The following OR6K3 variants were observed in gnomAD, a reference collection of about 807,000 sequenced individuals.
The protein encoded by OR6K3 is olfactory receptor family 6 subfamily K member 3.
For synonymous variants in OR6K3, 169 were observed against 137.7 expected (o/e 1.23, Z -1.59); for missense variants, 396 against 382.5 (o/e 1.04, Z -0.29).
At chr1:158,724,204 G>A (rs1656339380), upstream of OR6K3, 1 of 154,668 alleles carries the variant, frequency 6.5e-6, no homozygotes, top group African/African-American at 2.4e-5. Flanking sequence ...ATAGATGATA[G>A]GGTTGAAAAA....
rs750090582 is a variant in OR6K3 at position 158,717,506 on chromosome 1, C to G, written c.610G>C (p.Val204Leu). Residue 204 changes from valine (V) to leucine (L), a missense_variant, in exon 2 of 2, where the codon GTG (valine) becomes CTG (leucine). Val to Leu is a conservative substitution (Grantham distance 32). Transcript: ENST00000368145. ...ATTAGGAAGGTAATGATGATGGTCA[C>G]AGCATGAATCACATCCTCAATCAGA... ...MILIEDVIHA[V>L]TIIITFLIIA... The G allele has an allele frequency of 6.2e-7, 1 of 1,613,666 alleles. No individual in the cohort carries two copies. Among genetic ancestry groups the G allele is most frequent in the Non-Finnish European group, 8.5e-7 (1 of 1,179,742 alleles).
upstream of OR6K3, among the ~76,000 whole-genome samples, chr1:158,723,220 C>CCTATCTATCTAT (rs1553243378): frequency 1.1e-5 from 1 of 88,702 alleles, no homozygotes; most frequent in East Asian, 4.4e-4. Context: ...ATTTCTATTA[C>CCTATCTATCTAT]CTATCTGTCT....
In OR6K3 at chr1:158,717,980, A is replaced by C. The variant is rs1282739665; in HGVS notation, c.136T>G (p.Phe46Val). Reference protein sequence around the residue: ...TFIIIDNLLIFSAVRLDTHLH... With the variant: ...TFIIIDNLLIVSAVRLDTHLH... ...TGGGTGTCCAGCCTTACAGCAGAGA[A>C]GATTAATAAGTTATCAATGATAATA... is the stretch of plus-strand genomic sequence containing the variant. Residue 46 changes from phenylalanine (F) to valine (V), a missense_variant, in exon 2 of 2, where the codon TTC (phenylalanine) becomes GTC (valine). Phe to Val is a conservative substitution (Grantham distance 50). Coordinates refer to ENST00000368145, the MANE Select transcript of OR6K3 (RefSeq NM_001005327.3). 1 of 1,612,896 alleles carries C rather than the reference A, an allele frequency of 6.2e-7. No individual in the cohort carries two copies. Among genetic ancestry groups the C allele is most frequent in the Admixed American group, 1.7e-5 (1 of 59,962 alleles).
upstream of OR6K3, chr1:158,724,925 A>T (rs1372734298): frequency 5.1e-6 from 1 of 195,590 alleles, no homozygotes; most frequent in Non-Finnish European, 1.1e-5. Context: ...ACTGCAAAAA[A>T]TACAATAAGA....
Position 158,717,504 on chromosome 1 carries a change from C to T in OR6K3, c.612G>A (p.Val204=). 6.2e-7 allele frequency: 1 copy of T among 1,613,606 alleles called. No homozygotes were observed. The highest frequency in any genetic ancestry group is 8.5e-7 in the Non-Finnish European group (1 of 1,179,738). ...TGATTAGGAAGGTAATGATGATGGT[C>T]ACAGCATGAATCACATCCTCAATCA... ...MILIEDVIHA[V]TIIITFLIIA... is the part of the protein sequence containing the mutation. The change falls in exon 2 of 2, where the codon GTG becomes GTA. Residue 204 remains valine, a synonymous_variant. Coordinates refer to ENST00000368145, the MANE Select transcript of OR6K3 (RefSeq NM_001005327.3).
chr1:158,719,114 C>T (rs1656236480), intron 1 of OR6K3, among the ~76,000 whole-genome samples: 1 of 151,978 alleles, frequency 6.6e-6, no homozygotes, highest in Non-Finnish European at 1.5e-5. Context: ...TCCTCTGTTT[C>T]CACGATTCCA....
chr1:158,722,025 A>G (rs1288651635), upstream of OR6K3, among the ~76,000 whole-genome samples: 1 of 151,950 alleles, frequency 6.6e-6, no homozygotes, highest in Non-Finnish European at 1.5e-5. Context: ...GTAATGAAAG[A>G]GCATTTACTT....
Position 158,717,923 on chromosome 1 carries a change from T to A in OR6K3, c.193A>T (p.Ile65Leu). The A allele has an allele frequency of 1.9e-6, 3 of 1,613,754 alleles. No individual in the cohort carries two copies. The highest frequency in any genetic ancestry group is 1.7e-6 in the Non-Finnish European group (2 of 1,179,790). ...TACCAGATCTCCAGAAAGGAAAATA[T>A]ACTGATAAAATTATACATGGGGTTG... ...LHNPMYNFIS[I>L]FSFLEIWYTT... Residue 65 changes from isoleucine (I) to leucine (L), a missense_variant, in exon 2 of 2, where the codon ATA becomes TTA. Ile to Leu is a conservative substitution (Grantham distance 5). Coordinates refer to ENST00000368145, the MANE Select transcript of OR6K3 (RefSeq NM_001005327.3).
chr1:158,724,974 A>G (rs981714915), upstream of OR6K3: 1 of 157,180 alleles, frequency 6.4e-6, no homozygotes, highest in South Asian at 1.9e-4. Flanking sequence ...CAAACAATGG[A>G]ATGAAGAAGA....
upstream of OR6K3, chr1:158,724,663 G>T (rs1433392563): frequency 8.8e-6 from 2 of 226,982 alleles, no homozygotes; most frequent in Admixed American, 8.3e-5. Context: ...CATGATGGTT[G>T]GGTAGCGGAG....
upstream of OR6K3, chr1:158,724,402 A>G (rs1262254577): frequency 4.5e-6 from 1 of 224,360 alleles, no homozygotes; most frequent in Admixed American, 4.3e-5. Context: ...TACAGTGATG[A>G]TTCTGATATA....
At position 158,718,150 on chromosome 1, in the gene OR6K3, A is replaced by G. The variant is rs1016946257; in HGVS notation, c.-17-18T>C. Reference sequence around the variant, plus strand: ...AGAGCTACCTGTAAATGGAGAGGGCATAGTCCAGCACATGAGAGGGTAGAG... The same window carrying G: ...AGAGCTACCTGTAAATGGAGAGGGCGTAGTCCAGCACATGAGAGGGTAGAG... On this transcript the variant is annotated intron_variant, in intron 1 of 1. Coordinates refer to ENST00000368145, the MANE Select transcript of OR6K3 (RefSeq NM_001005327.3). The G allele has an allele frequency of 3.0e-6, 4 of 1,321,472 alleles. No homozygotes were observed. Among genetic ancestry groups the G allele is most frequent in the South Asian group, 1.2e-5 (1 of 80,488 alleles). 81.9% of individuals were successfully genotyped at this position (1,321,472 alleles called of 1,614,324 possible).
In OR6K3 at chr1:158,716,353, A is replaced by G. The variant is rs1656143627; in HGVS notation, c.*815T>C. Reference sequence around the variant, plus strand: ...CAGTACTAATAATCTAATCTTACTAAACATGTAATTATTCTAATGAATAGG... The same window carrying G: ...CAGTACTAATAATCTAATCTTACTAGACATGTAATTATTCTAATGAATAGG... On this transcript the variant is annotated 3_prime_UTR_variant, in exon 2 of 2. Coordinates refer to ENST00000368145, the MANE Select transcript of OR6K3 (RefSeq NM_001005327.3). The G allele has an allele frequency of 6.6e-6, 1 of 152,146 alleles. No individual in the cohort carries two copies. Among genetic ancestry groups the G allele is most frequent in the Admixed American group, 6.6e-5 (1 of 15,260 alleles). 9.4% of individuals were successfully genotyped at this position (152,146 alleles called of 1,614,324 possible). A position where few individuals can be genotyped will look rare whatever the true frequency, so the allele number is the denominator to read the frequency against.
In OR6K3 at chr1:158,717,938, A is replaced by G; in HGVS notation, c.178T>C (p.Tyr60His). Residue 60 changes from tyrosine to histidine, a missense_variant, in exon 2 of 2, where the codon TAT becomes CAT. Tyr to His is a moderately conservative substitution (Grantham distance 83). Transcript: ENST00000368145. ...AAGGAAAATATACTGATAAAATTAT[A>G]CATGGGGTTGTGGAGATGGGTGTCC... ...RLDTHLHNPM[Y>H]NFISIFSFLE... The G allele has an allele frequency of 6.2e-7, 1 of 1,613,758 alleles. No homozygotes were observed. Among genetic ancestry groups the G allele is most frequent in the Non-Finnish European group, 8.5e-7 (1 of 1,179,788 alleles).
rs1656207234 is a variant in OR6K3, at chr1:158,718,004, T to G, written c.112A>C (p.Ile38Leu). 7 of 1,612,454 alleles carry G rather than the reference T, an allele frequency of 4.3e-6. No individual in the cohort carries two copies. Among genetic ancestry groups the G allele is most frequent in the Non-Finnish European group, 5.9e-6 (7 of 1,178,794 alleles). Residue 38 changes from isoleucine (I) to leucine (L), a missense_variant, in exon 2 of 2, where the codon ATT (isoleucine) becomes CTT (leucine). By Grantham distance (5) the Ile-to-Leu change is conservative. Transcript: ENST00000368145. ...FFPLLFIYTF[I>L]IIDNLLIFSA... is the part of the protein sequence containing the mutation. ...AAGATTAATAAGTTATCAATGATAA[T>G]AAAAGTATAGATGAAAAGTAAAGGA...
rs1656194369 is a variant in OR6K3 at position 158,717,776 on chromosome 1, A to G, written c.340T>C (p.Leu114=). 1.2e-6 allele frequency: 2 copies of G among 1,613,788 alleles called. No homozygotes were observed. Among genetic ancestry groups the G allele is most frequent in the South Asian group, 2.2e-5 (2 of 91,082 alleles). The part of the protein sequence containing the change: ...FHSLENSEGI[L]LTTMAIDRYV... ...CTGTCAATGGCCATGGTGGTCAGCA[A>G]GATCCCCTCTGAGTTTTCAAGTGAG... The change falls in exon 2 of 2, where the codon TTG becomes CTG. Residue 114 remains leucine, a synonymous_variant. Coordinates refer to ENST00000368145, the MANE Select transcript of OR6K3 (RefSeq NM_001005327.3).
upstream of OR6K3, among the ~76,000 whole-genome samples, chr1:158,723,020 C>T (rs988846194): frequency 3.3e-5 from 5 of 151,932 alleles, no homozygotes; most frequent in Admixed American, 2.6e-4. Flanking sequence ...TCTAACAGTT[C>T]ATCTAGTCCT....
In OR6K3 at chr1:158,717,878, T is replaced by C; in HGVS notation, c.238A>G (p.Lys80Glu). The C allele has an allele frequency of 6.2e-7, 1 of 1,613,670 alleles. No individual in the cohort carries two copies. Among genetic ancestry groups the C allele is most frequent in the South Asian group, 1.1e-5 (1 of 91,058 alleles). ...TCACTGATGAGGTTGGAGAGCATCT[T>C]GGGAATGGTGGCTGTGGTGTACCAG... ...EIWYTTATIP[K>E]MLSNLISEKK... The change falls in exon 2 of 2, where the codon AAG (lysine) becomes GAG (glutamate). Residue 80 changes from lysine (K) to glutamate (E), a missense_variant. Lys to Glu is a moderately conservative substitution (Grantham distance 56). Coordinates refer to ENST00000368145, the MANE Select transcript of OR6K3 (RefSeq NM_001005327.3).
chr1:158,717,606 C>A lies in OR6K3; in HGVS notation c.510G>T (p.Gly170=), dbSNP rs1558014587. 3 of 1,613,716 alleles carry A rather than the reference C, an allele frequency of 1.9e-6. No individual in the cohort carries two copies. Among genetic ancestry groups the A allele is most frequent in the Non-Finnish European group, 2.5e-6 (3 of 1,179,812 alleles). Residue 170 remains glycine (G), a synonymous_variant, in exon 2 of 2, where the codon GGG becomes GGT. Transcript: ENST00000368145. The part of the protein sequence containing the change: ...IVMISTLPFC[G]PNQIHQIFCD... Reference sequence around the variant, plus strand: ...AGAAGATCTGATGGATTTGGTTGGGCCCACAGAAAGGCAGTGTGGAAATCA... The same window carrying A: ...AGAAGATCTGATGGATTTGGTTGGGACCACAGAAAGGCAGTGTGGAAATCA...
Sources: gnomAD v4.1 joint callset for allele counts (sites outside exome capture counted in the v4.1 genomes callset) on GRCh38, gnomAD v4.1.1 for gene constraint, MANE v1.5 for transcripts, NCBI Gene and HGNC (gene_info 2026-07-23, HGNC 2026-07-21) for gene names.